The following GLS2 variants were observed in gnomAD, a reference collection of about 807,000 sequenced individuals.
GLS2 encodes the protein glutaminase 2.
A neutral mutation model predicts 79.0 loss-of-function variants in GLS2; 52 were observed. That is an observed-to-expected ratio of 0.66 (90% CI 0.53 to 0.83). The LOEUF (loss-of-function observed/expected upper bound fraction) is 0.83. Ranked by LOEUF, GLS2 falls within the 40% of genes least tolerant of loss-of-function variation. GLS2 has a pLI of 0.00. For synonymous variants in GLS2, 238 were observed against 280.8 expected, an observed-to-expected ratio of 0.85 and a Z score of 1.52; for missense variants, 561 against 764.8, an observed-to-expected ratio of 0.73 and a Z score of 3.14.
chr12:56,485,594 T>C (rs1301586927), intron 1 of GLS2, among the ~76,000 whole-genome samples: 2 of 152,122 alleles, frequency 1.3e-5, no homozygotes, highest in Non-Finnish European at 2.9e-5. Context: ...AATTGAAACA[T>C]AATTGTACAC....
intron 1 of GLS2, among the ~76,000 whole-genome samples, chr12:56,482,504 C>T (rs977652801): frequency 6.6e-6 from 1 of 152,212 alleles, no homozygotes; most frequent in African/African-American, 2.4e-5. Flanking sequence ...GCCGGTTTGA[C>T]ACAACACACC....
intron 1 of GLS2, among the ~76,000 whole-genome samples, chr12:56,484,814 G>A (rs956926936): frequency 1.3e-5 from 2 of 152,052 alleles, no homozygotes; most frequent in Non-Finnish European, 2.9e-5. Flanking sequence ...AAAAAGCAAG[G>A]TATAGGAACA....
Position 56,487,916 on chromosome 12 carries a change from G to A in GLS2, c.182+21C>T, listed in dbSNP as rs1870820538. The A allele has an allele frequency of 1.9e-6, 3 of 1,599,198 alleles. 1 individual carries two copies. The African/African-American group carries it at 4.0e-5, about 21-fold the overall frequency. On this transcript the variant is annotated intron_variant, in intron 1 of 17. Coordinates refer to ENST00000311966, the MANE Select transcript of GLS2 (RefSeq NM_013267.4). ...GGGAGTGGGGGCAAGCCCGTCCCCT[G>A]CCCTGTCCCAGGAGCCTTACTGATC... is the stretch of plus-strand genomic sequence containing the variant.
intron 12 of GLS2, chr12:56,474,080 GT>G (rs1869558218): frequency 5.9e-6 from 1 of 170,124 alleles, no homozygotes; most frequent in African/African-American, 2.6e-5. Context: ...ACCTCTGGTT[GT>G]TTTTCTTTTT....
intron 8 of GLS2, 67 bp from the exon 9 acceptor site, chr12:56,475,749 G>T: frequency 6.5e-7 from 1 of 1,550,106 alleles, no homozygotes; most frequent in South Asian, 1.1e-5. Flanking sequence ...CTCACAGGTT[G>T]ACTAGCCCTT....
chr12:56,472,365 C>T (rs150308248), intron 15 of GLS2, 170 bp from the exon 16 acceptor site: 2 of 629,088 alleles, frequency 3.2e-6, no homozygotes, highest in African/African-American at 1.8e-5. Context: ...GACTGTTATA[C>T]TCATATTAGA....
At chr12:56,478,539 TCA>T (rs1870025312) in intron 4 of GLS2, 2 of 442,106 alleles carry the variant, frequency 4.5e-6, no homozygotes, top group Admixed American at 3.7e-5. Context: ...GTTCTTAGGC[TCA>T]GTTACCCTAT....
At chr12:56,485,720 C>T (rs997666024) in intron 1 of GLS2, among the ~76,000 whole-genome samples, 23 of 152,082 alleles carry the variant, frequency 1.5e-4, no homozygotes, top group Non-Finnish European at 2.6e-4. Context: ...GGGATATTTT[C>T]CTCTTGATAC....
intron 1 of GLS2, among the ~76,000 whole-genome samples, chr12:56,484,975 A>C (rs1870569680): frequency 6.6e-6 from 1 of 152,204 alleles, no homozygotes; most frequent in African/African-American, 2.4e-5. Flanking sequence ...GAAATAATTG[A>C]ACAAGTGTAC....
At chr12:56,482,161 G>A (rs1870350828) in intron 1 of GLS2, among the ~76,000 whole-genome samples, 1 of 151,796 alleles carries the variant, frequency 6.6e-6, no homozygotes, top group South Asian at 2.1e-4. Flanking sequence ...AGCCTGGGAG[G>A]TGGAGGTTAT....
intron 14 of GLS2, 82 bp from the exon 15 acceptor site, chr12:56,472,833 T>C: frequency 1.8e-6 from 2 of 1,127,240 alleles, no homozygotes; most frequent in Non-Finnish European, 2.7e-6. Context: ...CCATGGATGC[T>C]TAGTCCAAGG....
Position 56,474,649 on chromosome 12 carries a change from G to A in GLS2, c.1119C>T (p.Cys373=). 1 of 1,614,050 alleles carries A rather than the reference G, an allele frequency of 6.2e-7. No homozygotes were observed. The highest frequency in any genetic ancestry group is 8.5e-7 in the Non-Finnish European group (1 of 1,179,936). Residue 373 remains cysteine, a synonymous_variant, in exon 12 of 18, where the codon TGC becomes TGT. Transcript: ENST00000311966. ...TCAGCACACTCTCGCCTGTGATGGG[G>A]CAGATCCCACCGTTGGCGAGGGTGG... The part of the protein sequence containing the change: ...MAATLANGGI[C]PITGESVLSA...
chr12:56,473,021 C>A, intron 14 of GLS2: 1 of 600,976 alleles, frequency 1.7e-6, no homozygotes, highest in South Asian at 2.0e-5. Flanking sequence ...TCCCAAGTAG[C>A]TGGGACCACA....
intron 6 of GLS2, 73 bp from the exon 7 acceptor site, chr12:56,477,791 G>T: frequency 6.4e-7 from 1 of 1,559,766 alleles, no homozygotes; most frequent in Non-Finnish European, 8.7e-7. Flanking sequence ...CACTTTGTGG[G>T]TTAGACAAGA....
Position 56,483,724 on chromosome 12 carries a change from G to A in GLS2, c.183-3337C>T, listed in dbSNP as rs201907706. Among the ~76,000 whole-genome samples, 25 of 152,206 alleles carry A rather than the reference G, an allele frequency of 1.6e-4. No homozygotes were observed. In the East Asian group the frequency reaches 4.4e-3, roughly 27 times the overall value. On this transcript the variant is annotated intron_variant, in intron 1 of 17. Transcript: ENST00000311966. Reference sequence around the variant, plus strand: ...GCCTCCCTAGTAGCTGGGACTATAGGTGTATGCCACCATGCCCAGTTTTAT... The same window carrying A: ...GCCTCCCTAGTAGCTGGGACTATAGATGTATGCCACCATGCCCAGTTTTAT...
At chr12:56,472,618 G>A (rs1869391830) in intron 15 of GLS2, 72 bp downstream of exon 15, 1 of 1,369,406 alleles carries the variant, frequency 7.3e-7, no homozygotes, top group South Asian at 1.2e-5. Flanking sequence ...TAACTATTTT[G>A]TTACGCTGCC....
At chr12:56,486,056 C>T (rs1870662273) in intron 1 of GLS2, among the ~76,000 whole-genome samples, 1 of 147,970 alleles carries the variant, frequency 6.8e-6, no homozygotes, top group Non-Finnish European at 1.5e-5. Flanking sequence ...AGCTAAATAG[C>T]TAAATATTAA....
intron 1 of GLS2, among the ~76,000 whole-genome samples, chr12:56,482,688 A>G (rs1760126934): frequency 6.6e-6 from 1 of 152,232 alleles, no homozygotes; most frequent in Non-Finnish European, 1.5e-5. Context: ...CTGGCTTATA[A>G]CACCTAAAAT....
intron 9 of GLS2, 167 bp downstream of exon 9, chr12:56,475,457 A>C: frequency 1.4e-6 from 1 of 728,078 alleles, no homozygotes; most frequent in Non-Finnish European, 2.2e-6. Flanking sequence ...ATTATTTTAC[A>C]AGATAAACAA....
Sources: gnomAD v4.1 joint callset for allele counts (sites outside exome capture counted in the v4.1 genomes callset) on GRCh38, gnomAD v4.1.1 for gene constraint, MANE v1.5 for transcripts, NCBI Gene and HGNC (gene_info 2026-07-23, HGNC 2026-07-21) for gene names.